The following PARP8 variants were observed in gnomAD, a reference collection of about 807,000 sequenced individuals.
PARP8 encodes protein mono-ADP-ribosyltransferase PARP8.
Under a neutral mutation model 124.1 loss-of-function variants are expected in PARP8, and 51 were observed. The observed-to-expected ratio is 0.41, with a 90% CI of 0.33 to 0.52. The LOEUF (loss-of-function observed/expected upper bound fraction) is 0.52. Among genes scored for constraint, PARP8 ranks in the 20% least tolerant of loss-of-function variants. The pLI is 0.21. For synonymous variants in PARP8, 391 were observed against 361.5 expected, an observed-to-expected ratio of 1.08 and a Z score of -0.93; for missense variants, 860 against 1,018.9, an observed-to-expected ratio of 0.84 and a Z score of 2.12.
chr5:50,795,124 C>G lies in PARP8; in HGVS notation c.1135C>G (p.Leu379Val), dbSNP rs568432561. 1 of 1,614,168 alleles carries G rather than the reference C, an allele frequency of 6.2e-7. No individual in the cohort carries two copies. The highest frequency in any genetic ancestry group is 8.5e-7 in the Non-Finnish European group (1 of 1,180,032). Reference sequence around the variant, plus strand: ...TGTTAAGTCAGAGGAATGCCTAACTCTAAAGTCGCATAGACTATTGACTCG... The same window carrying G: ...TGTTAAGTCAGAGGAATGCCTAACTGTAAAGTCGCATAGACTATTGACTCG... The part of the protein sequence containing the change: ...AAVKSEECLT[L>V]KSHRLLTRSC... The change falls in exon 12 of 26, where the codon CTA becomes GTA. Residue 379 changes from leucine to valine, a missense_variant. Around this residue, in one of 2 missense-constraint regions of PARP8, gnomAD observed 517 missense variants for 544.2 expected, o/e 0.95. Transcript: ENST00000281631.
chr5:50,797,364 T>A (rs927704904), intron 14 of PARP8, 131 bp downstream of exon 14: 1 of 630,082 alleles, frequency 1.6e-6, no homozygotes, highest in Non-Finnish European at 2.6e-6. Flanking sequence ...TATTTACATA[T>A]AATTTTGACA....
chr5:50,835,108 A>G, intron 25 of PARP8, 93 bp downstream of exon 25: 1 of 946,922 alleles, frequency 1.1e-6, no homozygotes, highest in Non-Finnish European at 1.7e-6. Context: ...TAGCTGCCAA[A>G]ATATAACAGG....
intron 2 of PARP8, among the ~76,000 whole-genome samples, chr5:50,679,249 TA>T (rs1289026965): frequency 6.6e-6 from 1 of 152,170 alleles, no homozygotes; most frequent in Non-Finnish European, 1.5e-5. Context: ...TAAACCTTTA[TA>T]ATTTTTAGAG....
chr5:50,791,693 GTATGACTT>G (rs1610985), intron 10 of PARP8, among the ~76,000 whole-genome samples: 16,015 of 152,094 alleles, frequency 0.11, 865 homozygotes, highest in South Asian at 0.16. Flanking sequence ...TTCGACTTTT[GTATGACTT>G]TATGTTGAGT....
At chr5:50,718,803 C>T (rs955391143) in intron 2 of PARP8, among the ~76,000 whole-genome samples, 1 of 151,968 alleles carries the variant, frequency 6.6e-6, no homozygotes, top group African/African-American at 2.4e-5. Flanking sequence ...AGCTTTTTGA[C>T]ATACTGGTGT....
chr5:50,814,850 A>G lies in PARP8; in HGVS notation c.1576-582A>G, dbSNP rs1276263316. 3.3e-5 allele frequency among the ~76,000 whole-genome samples: 5 copies of G among 152,314 alleles called. 1 individual carries two copies. In the South Asian group the frequency reaches 8.3e-4, roughly 25 times the overall value. On this transcript the variant is annotated intron_variant, in intron 14 of 25. Transcript: ENST00000281631. Reference sequence around the variant, plus strand: ...ATTTGAAAGATGAGAGCTCTTCCAAAGTAATTGCAGAGTGTATATTTCAGT... The same window carrying G: ...ATTTGAAAGATGAGAGCTCTTCCAAGGTAATTGCAGAGTGTATATTTCAGT...
chr5:50,806,894 A>G (rs1465997790), intron 14 of PARP8, among the ~76,000 whole-genome samples: 2 of 152,110 alleles, frequency 1.3e-5, no homozygotes, highest in Admixed American at 1.3e-4. Context: ...TTCATTGACC[A>G]TTATTGAGCC....
intron 7 of PARP8, among the ~76,000 whole-genome samples, chr5:50,767,283 A>C (rs1761146397): frequency 6.6e-6 from 1 of 152,210 alleles, no homozygotes; most frequent in Admixed American, 6.5e-5. Context: ...GATGTATATC[A>C]TTCATCAAAA....
intron 2 of PARP8, among the ~76,000 whole-genome samples, chr5:50,697,938 C>A (rs1213665054): frequency 6.6e-6 from 1 of 152,190 alleles, no homozygotes; most frequent in Admixed American, 6.5e-5. Flanking sequence ...GGCACCACTT[C>A]CTTTTTCATC....
At chr5:50,802,961 A>G (rs1190423349) in intron 14 of PARP8, among the ~76,000 whole-genome samples, 2 of 152,150 alleles carry the variant, frequency 1.3e-5, no homozygotes, top group African/African-American at 4.8e-5. Flanking sequence ...TTTTAATCTG[A>G]AGAACTCCCT....
intron 9 of PARP8, among the ~76,000 whole-genome samples, chr5:50,787,612 A>T (rs543264597): frequency 1.3e-5 from 2 of 152,018 alleles, no homozygotes; most frequent in African/African-American, 2.4e-5. Context: ...TTCAGACTTC[A>T]TGGGTGCAGG....
chr5:50,822,444 C>T, intron 17 of PARP8, 44 bp downstream of exon 17: 3 of 1,439,132 alleles, frequency 2.1e-6, no homozygotes, highest in South Asian at 1.2e-5. Flanking sequence ...TTTAAAATGT[C>T]TGAGAGTTCT....
At chr5:50,782,501 A>C (rs1427906260) in intron 9 of PARP8, among the ~76,000 whole-genome samples, 2 of 152,212 alleles carry the variant, frequency 1.3e-5, no homozygotes, top group Admixed American at 1.3e-4. Context: ...GGAACCTTTA[A>C]CTTATTATTC....
intron 14 of PARP8, among the ~76,000 whole-genome samples, chr5:50,813,203 A>C (rs32397): frequency 2.0e-5 from 3 of 152,018 alleles, no homozygotes; most frequent in Non-Finnish European, 4.4e-5. Context: ...ATTTTCACGA[A>C]ATTGATTCTT....
At chr5:50,772,738 C>T (rs529915115) in intron 7 of PARP8, among the ~76,000 whole-genome samples, 3 of 151,744 alleles carry the variant, frequency 2.0e-5, no homozygotes, top group Non-Finnish European at 4.4e-5. Context: ...ACTCTGTCAC[C>T]CAGGCTGGAG....
chr5:50,822,861 A>G (rs1561433056), intron 17 of PARP8, among the ~76,000 whole-genome samples: 3 of 152,142 alleles, frequency 2.0e-5, no homozygotes, highest in Admixed American at 6.6e-5. Flanking sequence ...GTATGGGTTT[A>G]TGTTTTTGGT....
Position 50,740,585 on chromosome 5 carries a change from G to A in PARP8, c.147-9566G>A, listed in dbSNP as rs190663642. On this transcript the variant is annotated intron_variant, in intron 2 of 25. Coordinates refer to ENST00000281631, the MANE Select transcript of PARP8 (RefSeq NM_024615.4). ...CATGTCTGTAATCCCAGCATTTTAG[G>A]AGGTGCTTGAGGCCAAGAGTTTGGG... Among the ~76,000 whole-genome samples the A allele has an allele frequency of 9.2e-5, 14 of 152,138 alleles. No individual in the cohort carries two copies. The East Asian group carries it at 2.1e-3, about 23-fold the overall frequency.
At chr5:50,750,241 T>C (rs1759088629) in intron 3 of PARP8, 53 bp downstream of exon 3, 1 of 1,430,248 alleles carries the variant, frequency 7.0e-7, no homozygotes, top group East Asian at 2.3e-5. Context: ...CCTTTGAATA[T>C]TTTTTTCTTC....
At chr5:50,711,680 G>A (rs1048858179) in intron 2 of PARP8, among the ~76,000 whole-genome samples, 12 of 151,908 alleles carry the variant, frequency 7.9e-5, no homozygotes, top group African/African-American at 2.9e-4. Flanking sequence ...TCCTCACCCC[G>A]CCCTAAACCC....
Sources: allele counts gnomAD v4.1 joint callset (sites outside exome capture counted in the v4.1 genomes callset), GRCh38; gene constraint gnomAD v4.1.1; regional missense constraint gnomAD v4.1.1; transcripts MANE v1.5; gene names NCBI Gene and HGNC (gene_info 2026-07-23, HGNC 2026-07-21).